CSMD1: variants seen among roughly 807,000 people sequenced by gnomAD.
The protein encoded by CSMD1 is CUB and Sushi multiple domains 1.
A neutral mutation model predicts 417.5 loss-of-function variants in CSMD1; 213 were observed. The ratio of observed to expected loss-of-function variants is 0.51; its 90% CI spans 0.46 to 0.57. The LOEUF is 0.57. Ranked by LOEUF, CSMD1 falls within the 20% of genes least tolerant of loss-of-function variation. CSMD1 has a pLI of 0.00. For synonymous variants in CSMD1, 2,862 were observed against 1,736.8 expected (o/e 1.65, Z -16.11); for missense variants, 6,923 against 4,529.7 (o/e 1.53, Z -15.17).
chr8:4,892,758 C>T (rs1160672058), intron 1 of CSMD1, among the ~76,000 whole-genome samples: 1 of 151,874 alleles, frequency 6.6e-6, no homozygotes, highest in Non-Finnish European at 1.5e-5. Flanking sequence ...CATTTTTATT[C>T]TTTGTATTAT....
At chr8:3,767,037 G>A (rs1481182705) in intron 5 of CSMD1, among the ~76,000 whole-genome samples, 2 of 152,126 alleles carry the variant, frequency 1.3e-5, no homozygotes, top group Non-Finnish European at 2.9e-5. Flanking sequence ...TCATAACTCC[G>A]GAGCTCTTCA....
At chr8:4,691,184 G>T (rs1241206814) in intron 1 of CSMD1, among the ~76,000 whole-genome samples, 1 of 152,208 alleles carries the variant, frequency 6.6e-6, no homozygotes, top group African/African-American at 2.4e-5. Context: ...GTTACCCAAA[G>T]AAACTGCAAA....
intron 25 of CSMD1, among the ~76,000 whole-genome samples, chr8:3,289,282 A>C (rs1194258018): frequency 6.8e-6 from 1 of 147,368 alleles, no homozygotes; most frequent in East Asian, 2.0e-4. Context: ...TGCCGCTATA[A>C]ACATACGTGT....
intron 2 of CSMD1, among the ~76,000 whole-genome samples, chr8:4,581,112 G>A (rs1215066272): frequency 6.6e-6 from 1 of 152,108 alleles, no homozygotes; most frequent in Non-Finnish European, 1.5e-5. Context: ...AATATTAACT[G>A]AAAATGAACG....
At chr8:3,394,012 T>TTTTATATA (rs1491090138) in intron 17 of CSMD1, among the ~76,000 whole-genome samples, 1 of 31,632 alleles carries the variant, frequency 3.2e-5, no homozygotes, top group Non-Finnish European at 5.9e-5. Flanking sequence ...AAAAAATAAA[T>TTTTATATA]TATATATATA....
intron 25 of CSMD1, among the ~76,000 whole-genome samples, chr8:3,305,871 G>T (rs896744866): frequency 6.6e-6 from 1 of 151,988 alleles, no homozygotes; most frequent in Non-Finnish European, 1.5e-5. Flanking sequence ...TAGTAGAGAA[G>T]GGGTTTCACC....
chr8:3,664,838 AG>A (rs1249418870), intron 7 of CSMD1, among the ~76,000 whole-genome samples: 4 of 152,270 alleles, frequency 2.6e-5, no homozygotes, highest in Non-Finnish European at 5.9e-5. Context: ...CTAAAAGTTT[AG>A]CAGTAAAGCC....
intron 17 of CSMD1, among the ~76,000 whole-genome samples, chr8:3,389,039 G>T (rs1228950858): frequency 6.6e-6 from 1 of 152,158 alleles, no homozygotes. Flanking sequence ...CCAATGCTGG[G>T]TGAATGATTT....
intron 3 of CSMD1, among the ~76,000 whole-genome samples, chr8:4,121,089 A>G (rs1259071268): frequency 6.6e-6 from 1 of 151,644 alleles, no homozygotes; most frequent in African/African-American, 2.4e-5. Flanking sequence ...AGGTATTTTT[A>G]TTTTATTTTT....
intron 5 of CSMD1, among the ~76,000 whole-genome samples, chr8:3,790,568 CAT>C (rs1383404233): frequency 3.9e-5 from 6 of 152,042 alleles, no homozygotes; most frequent in Non-Finnish European, 7.4e-5. Flanking sequence ...TAGGAACAAT[CAT>C]AATTTTTTTT....
At chr8:4,919,553 T>C (rs1390731842) in intron 1 of CSMD1, among the ~76,000 whole-genome samples, 2 of 152,202 alleles carry the variant, frequency 1.3e-5, no homozygotes, top group Non-Finnish European at 2.9e-5. Context: ...TCATAAAATG[T>C]TGACATAAAA....
chr8:3,949,676 G>A (rs78351705), intron 5 of CSMD1, among the ~76,000 whole-genome samples: 2,008 of 152,096 alleles, frequency 0.013, 47 homozygotes, highest in African/African-American at 0.046. Context: ...GAAAGGAGGA[G>A]GAGAAGGAGG....
chr8:4,194,468 C>A (rs1446256577), intron 3 of CSMD1, among the ~76,000 whole-genome samples: 2 of 152,090 alleles, frequency 1.3e-5, no homozygotes, highest in African/African-American at 4.8e-5. Context: ...ACAATAGCGC[C>A]CTGTCACTTT....
intron 5 of CSMD1, among the ~76,000 whole-genome samples, chr8:3,997,456 G>T (rs983827696): frequency 1.3e-5 from 2 of 152,256 alleles, no homozygotes; most frequent in South Asian, 4.1e-4. Flanking sequence ...TTCCCCACAG[G>T]TGGCTACAGA....
At chr8:4,338,827 T>C (rs1208757921) in intron 3 of CSMD1, among the ~76,000 whole-genome samples, 1 of 152,152 alleles carries the variant, frequency 6.6e-6, no homozygotes, top group African/African-American at 2.4e-5. Context: ...GTTGCCTTAA[T>C]ATTCAGCTTT....
At chr8:3,613,047 G>C (rs1024864058) in intron 8 of CSMD1, among the ~76,000 whole-genome samples, 1 of 151,920 alleles carries the variant, frequency 6.6e-6, no homozygotes, top group African/African-American at 2.4e-5. Flanking sequence ...GATGGAACAA[G>C]TAAAATTTTT....
chr8:4,157,147 T>G (rs1003119722), intron 3 of CSMD1, among the ~76,000 whole-genome samples: 1 of 152,112 alleles, frequency 6.6e-6, no homozygotes, highest in African/African-American at 2.4e-5. Flanking sequence ...TATTTTTAAG[T>G]GGTAGAAGAA....
chr8:4,053,390 T>G (rs762579582), intron 3 of CSMD1, among the ~76,000 whole-genome samples: 2 of 151,968 alleles, frequency 1.3e-5, no homozygotes, highest in African/African-American at 4.8e-5. Context: ...GTGCGCTGAC[T>G]GCCTCTACCT....
Position 4,787,753 on chromosome 8 carries a change from G to A in CSMD1, c.86-150195C>T, listed in dbSNP as rs1270870282. 3.2e-6 allele frequency: 5 copies of A among 1,586,604 alleles called. No homozygotes were observed. The African/African-American group carries it at 4.0e-5, about 13-fold the overall frequency. ...GTGGTCTGAGGAACAGCTGATTGCT[G>A]CAAAATTTTGCTTCGCTGGACTTGT... On this transcript the variant is annotated intron_variant, in intron 1 of 69. Transcript: ENST00000635120.
Sources: gnomAD v4.1 joint callset for allele counts (sites outside exome capture counted in the v4.1 genomes callset) on GRCh38, gnomAD v4.1.1 for gene constraint, MANE v1.5 for transcripts, NCBI Gene and HGNC (gene_info 2026-07-23, HGNC 2026-07-21) for gene names.